Variants in EDAR observed in about 807,000 individuals in gnomAD.
EDAR encodes ectodysplasin A receptor, also known as tumor necrosis factor receptor superfamily member EDAR.
In EDAR, 38 loss-of-function variants were observed where a neutral mutation model predicts 51.3. The ratio of observed to expected loss-of-function variants is 0.74; its 90% CI spans 0.57 to 0.97. The LOEUF (loss-of-function observed/expected upper bound fraction) is 0.97. EDAR is among the 50% of genes least tolerant of loss of function. The pLI is 0.00. For synonymous variants in EDAR, 227 were observed against 242.1 expected (o/e 0.94, Z 0.58); for missense variants, 528 against 595.0 (o/e 0.89, Z 1.17).
intron 11 of EDAR, among the ~76,000 whole-genome samples, chr2:108,898,255 T>C (rs967285775): frequency 1.3e-5 from 2 of 152,144 alleles, no homozygotes; most frequent in Non-Finnish European, 2.9e-5. Context: ...AAAGGCCATG[T>C]AGGGAGCTGG....
At chr2:108,979,885 G>A (rs1049556837) in intron 1 of EDAR, among the ~76,000 whole-genome samples, 9 of 152,192 alleles carry the variant, frequency 5.9e-5, no homozygotes, top group Non-Finnish European at 1.2e-4. Flanking sequence ...GGGTAGGGGG[G>A]ACACCTGGCA....
rs575190341 is a variant in EDAR at position 108,931,367 on chromosome 2, G to A, written c.-18-335C>T. Reference sequence around the variant, plus strand: ...TAGCCTTACATGAGCTTTAAGTCTGGAGTCCTCCAGGCCAGTCCTGGCCTC... The same window carrying A: ...TAGCCTTACATGAGCTTTAAGTCTGAAGTCCTCCAGGCCAGTCCTGGCCTC... On this transcript the variant is annotated intron_variant, in intron 1 of 11. Transcript: ENST00000258443. Among the ~76,000 whole-genome samples, 4 of 152,278 alleles carry A rather than the reference G, an allele frequency of 2.6e-5. No homozygotes were observed. The South Asian group carries it at 8.3e-4, about 32-fold the overall frequency.
intron 10 of EDAR, 52 bp downstream of exon 10, chr2:108,907,808 C>A: frequency 8.1e-6 from 13 of 1,607,816 alleles, no homozygotes; most frequent in Non-Finnish European, 1.1e-5. Context: ...AGTCTTGCGG[C>A]TGTGAGGGAG....
intron 5 of EDAR, among the ~76,000 whole-genome samples, chr2:108,916,126 G>A (rs917895276): frequency 1.4e-4 from 21 of 152,092 alleles, no homozygotes; most frequent in African/African-American, 5.1e-4. Flanking sequence ...GAGCATAGGG[G>A]CATCATGGCA....
Position 108,897,168 on chromosome 2 carries a change from G to C in EDAR, c.1086C>G (p.Ser362=), listed in dbSNP as rs557887784. 7 of 1,613,858 alleles carry C rather than the reference G, an allele frequency of 4.3e-6. No homozygotes were observed. The highest frequency in any genetic ancestry group is 1.6e-4 in the Middle Eastern group (1 of 6,062). The change falls in exon 12 of 12, where the codon TCC becomes TCG. Residue 362 remains serine (S), a synonymous_variant. Transcript: ENST00000258443. ...CAACAGCCTTCTCAGAGTTGTACGT[G>C]GAGCTGAGCATTCGGCTAGTCTTCT... ...CLEKTSRMLS[S]TYNSEKAVVK...
intron 1 of EDAR, among the ~76,000 whole-genome samples, chr2:108,980,521 T>G (rs1055120262): frequency 6.6e-6 from 1 of 152,144 alleles, no homozygotes; most frequent in Non-Finnish European, 1.5e-5. Context: ...TATGTATATA[T>G]TTACATATAT....
chr2:108,900,789 GA>G, intron 11 of EDAR, among the ~76,000 whole-genome samples: 1 of 152,154 alleles, frequency 6.6e-6, no homozygotes, highest in East Asian at 1.9e-4. Flanking sequence ...GACTTCAGAG[GA>G]AAAAATTACC....
chr2:108,913,202 G>A (rs932235833), intron 5 of EDAR, among the ~76,000 whole-genome samples: 9 of 152,018 alleles, frequency 5.9e-5, no homozygotes, highest in African/African-American at 1.9e-4. Context: ...GCCCGCCTCG[G>A]CCTCCCAAAG....
intron 1 of EDAR, among the ~76,000 whole-genome samples, chr2:108,968,203 G>C (rs529926471): frequency 6.6e-6 from 1 of 152,248 alleles, no homozygotes; most frequent in South Asian, 2.1e-4. Context: ...CCACATACCA[G>C]CTGCATCAGC....
intron 1 of EDAR, among the ~76,000 whole-genome samples, chr2:108,959,545 G>T (rs1697996079): frequency 6.6e-6 from 1 of 152,200 alleles, no homozygotes; most frequent in African/African-American, 2.4e-5. Context: ...AGGTTGTCAG[G>T]TTTCCAAGGG....
chr2:108,987,943 T>C (rs1242485410), intron 1 of EDAR, among the ~76,000 whole-genome samples: 2 of 152,238 alleles, frequency 1.3e-5, no homozygotes, highest in African/African-American at 4.8e-5. Flanking sequence ...ATCCCTTTTT[T>C]CCTTCAGTCT....
At chr2:108,948,596 G>A (rs1558826713) in intron 1 of EDAR, among the ~76,000 whole-genome samples, 1 of 152,160 alleles carries the variant, frequency 6.6e-6, no homozygotes, top group Non-Finnish European at 1.5e-5. Context: ...GGGAAGCAAG[G>A]CACGTCTCAC....
intron 1 of EDAR, among the ~76,000 whole-genome samples, chr2:108,960,586 A>C (rs938279312): frequency 6.6e-6 from 1 of 152,200 alleles, no homozygotes; most frequent in African/African-American, 2.4e-5. Flanking sequence ...TGGCTCTGTC[A>C]CTGATAGGTT....
intron 1 of EDAR, among the ~76,000 whole-genome samples, chr2:108,987,021 G>A (rs1698510500): frequency 1.3e-5 from 2 of 152,196 alleles, no homozygotes; most frequent in Admixed American, 1.3e-4. Context: ...GATAATTGAG[G>A]CATGCAGGCA....
chr2:108,911,361 C>T (rs1696926360), intron 6 of EDAR, among the ~76,000 whole-genome samples: 1 of 152,172 alleles, frequency 6.6e-6, no homozygotes, highest in Non-Finnish European at 1.5e-5. Flanking sequence ...ACTGCTTTGG[C>T]AACCTGAGGG....
At chr2:108,985,139 T>TACTGTATCTTATTTCAGTATTTGGGCTC (rs1698475952) in intron 1 of EDAR, among the ~76,000 whole-genome samples, 2 of 152,236 alleles carry the variant, frequency 1.3e-5, no homozygotes, top group South Asian at 4.1e-4. Context: ...AGGAGACTAA[T>TACTGTATCTTATTTCAGTATTTGGGCTC]ACTGTATCTT....
intron 3 of EDAR, among the ~76,000 whole-genome samples, chr2:108,929,591 A>G (rs1323032950): frequency 1.3e-5 from 2 of 152,146 alleles, no homozygotes; most frequent in African/African-American, 4.8e-5. Flanking sequence ...CAGGCTCCAG[A>G]TGCTGCCCCT....
intron 11 of EDAR, among the ~76,000 whole-genome samples, chr2:108,901,671 TTAACTC>T (rs1276240470): frequency 8.5e-5 from 13 of 152,274 alleles, no homozygotes; most frequent in South Asian, 6.2e-4. Flanking sequence ...ACTTGCAACT[TTAACTC>T]TACACATATA....
intron 4 of EDAR, 123 bp from the exon 5 acceptor site, chr2:108,923,576 CCCA>C: frequency 1.2e-6 from 1 of 801,466 alleles, no homozygotes. Context: ...TGAGGCCACG[CCCA>C]CTCAGTCACC....
Sources: allele counts gnomAD v4.1 joint callset (sites outside exome capture counted in the v4.1 genomes callset), GRCh38; gene constraint gnomAD v4.1.1; transcripts MANE v1.5; gene names NCBI Gene and HGNC (gene_info 2026-07-23, HGNC 2026-07-21).